Variants in RP1 observed in about 807,000 individuals in gnomAD.
RP1 encodes the protein RP1 axonemal microtubule associated.
Under a neutral mutation model 14.8 loss-of-function variants are expected in RP1, and 16 were observed. That is an observed-to-expected ratio of 1.08 (90% CI 0.73 to 1.65). The LOEUF (loss-of-function observed/expected upper bound fraction) is 1.65. Ranked by LOEUF, RP1 falls within the 40% of genes most tolerant of loss-of-function variation. RP1 has a pLI of 0.00. For synonymous variants in RP1, 876 were observed against 883.6 expected (o/e 0.99, Z 0.15); for missense variants, 2,631 against 2,535.0 (o/e 1.04, Z -0.81).
At chr8:54,597,685 A>G (rs1409675905) in intron 1 of RP1, among the ~76,000 whole-genome samples, 1 of 152,234 alleles carries the variant, frequency 6.6e-6, no homozygotes, top group African/African-American at 2.4e-5. Context: ...GATATATGCT[A>G]AAACATAGTT....
chr8:54,761,850 C>A (rs937904511), intron 22 of RP1, among the ~76,000 whole-genome samples: 9 of 152,190 alleles, frequency 5.9e-5, no homozygotes, highest in Non-Finnish European at 1.2e-4. Context: ...ACAGTTCCTA[C>A]TTCCTTAATT....
chr8:54,653,069 T>G (rs574694419), intron 5 of RP1, among the ~76,000 whole-genome samples: 1 of 152,314 alleles, frequency 6.6e-6, no homozygotes, highest in African/African-American at 2.4e-5. Context: ...AAGCAATTCT[T>G]TCACCTCTTT....
At chr8:54,730,415 A>C (rs1835474273) in intron 17 of RP1, among the ~76,000 whole-genome samples, 1 of 151,950 alleles carries the variant, frequency 6.6e-6, no homozygotes, top group Admixed American at 6.6e-5. Context: ...CTTTATGAAT[A>C]TTTCTCTTAA....
chr8:54,679,269 T>G (rs1292032818), intron 9 of RP1: 2 of 649,522 alleles, frequency 3.1e-6, no homozygotes, highest in Non-Finnish European at 5.2e-6. Flanking sequence ...AGGATTTTCT[T>G]TTCCATTCTG....
chr8:54,721,552 T>G (rs1220355353), intron 16 of RP1, among the ~76,000 whole-genome samples: 1 of 152,092 alleles, frequency 6.6e-6, no homozygotes, highest in African/African-American at 2.4e-5. Context: ...GAAAAGTAAT[T>G]TGTGGCAAGA....
chr8:54,706,445 GGTGTTCCT>G lies in RP1; in HGVS notation c.2002_2009del (p.Val668GlnfsTer20). 1 of 1,535,754 alleles carries G rather than the reference GGTGTTCCT, an allele frequency of 6.5e-7. No individual in the cohort carries two copies. Among genetic ancestry groups the G allele is most frequent in the South Asian group, 1.2e-5 (1 of 84,044 alleles). ...CTGTTCTGTTTGTTGCTCTGAAGGG[GGTGTTCCT>G]CAACAGTGCTGTGGTTCTGCTTGCT... On this transcript the variant is annotated frameshift_variant, in exon 15 of 23. Transcript: ENST00000636932. LOFTEE classifies it high-confidence loss of function.
At chr8:54,599,949 G>C (rs1463416879) in intron 1 of RP1, among the ~76,000 whole-genome samples, 1 of 152,162 alleles carries the variant, frequency 6.6e-6, no homozygotes, top group African/African-American at 2.4e-5. Flanking sequence ...ACCAGATGTG[G>C]ATGGAAGCTC....
chr8:54,752,877 G>A (rs1032625867), intron 19 of RP1, among the ~76,000 whole-genome samples: 1 of 152,162 alleles, frequency 6.6e-6, no homozygotes, highest in African/African-American at 2.4e-5. Flanking sequence ...ATAATCCAAA[G>A]AGAACATTTC....
intron 7 of RP1, among the ~76,000 whole-genome samples, chr8:54,670,942 C>T (rs1807166794): frequency 1.3e-5 from 2 of 151,606 alleles, no homozygotes; most frequent in South Asian, 4.2e-4. Context: ...GCTCAAACTT[C>T]ATATTTTCAT....
intron 27 of RP1, among the ~76,000 whole-genome samples, chr8:54,858,194 A>G (rs1412808311): frequency 6.6e-6 from 1 of 152,224 alleles, no homozygotes; most frequent in Non-Finnish European, 1.5e-5. Context: ...GACAGAAACC[A>G]AATGGAGCAG....
chr8:54,683,092 A>G (rs1807475180), intron 12 of RP1, among the ~76,000 whole-genome samples: 1 of 152,154 alleles, frequency 6.6e-6, no homozygotes, highest in Non-Finnish European at 1.5e-5. Context: ...CAGGTTAGTC[A>G]AAGATCAGAT....
At chr8:54,719,488 G>T (rs537702988) in intron 15 of RP1, among the ~76,000 whole-genome samples, 1 of 152,002 alleles carries the variant, frequency 6.6e-6, no homozygotes, top group African/African-American at 2.4e-5. Flanking sequence ...TCATTAGTTG[G>T]GACTGAAATC....
chr8:54,618,742 G>T (rs1805785492), intron 1 of RP1, among the ~76,000 whole-genome samples: 2 of 152,078 alleles, frequency 1.3e-5, no homozygotes, highest in Admixed American at 6.5e-5. Flanking sequence ...TGCAACATCT[G>T]CCTCCTGGGT....
At chr8:54,846,395 T>C (rs990057618) in intron 25 of RP1, among the ~76,000 whole-genome samples, 1 of 152,186 alleles carries the variant, frequency 6.6e-6, no homozygotes, top group Non-Finnish European at 1.5e-5. Context: ...TCTCCACAAC[T>C]GATTATAGTC....
chr8:54,838,664 T>G (rs1301585765), intron 25 of RP1, among the ~76,000 whole-genome samples: 1 of 152,188 alleles, frequency 6.6e-6, no homozygotes, highest in Non-Finnish European at 1.5e-5. Context: ...TGTATACGTG[T>G]GTGTGCATAT....
rs944948199 is a variant in RP1 at position 54,740,809 on chromosome 8, C to T, written c.2808+1780C>T. 9.2e-5 allele frequency among the ~76,000 whole-genome samples: 14 copies of T among 151,888 alleles called. No homozygotes were observed. In the East Asian group the frequency reaches 1.4e-3, roughly 15 times the overall value. On this transcript the variant is annotated intron_variant, in intron 19 of 22. Coordinates refer to the RP1 transcript ENST00000636932. ...CTGTCATCTCAGCACTTTGGGAGGC[C>T]GAAGTGGAATGGATCACCTGAGGTC...
intron 17 of RP1, among the ~76,000 whole-genome samples, chr8:54,732,311 C>A (rs775722351): frequency 6.6e-6 from 1 of 152,170 alleles, no homozygotes; most frequent in Non-Finnish European, 1.5e-5. Flanking sequence ...TACACCTGAA[C>A]TTTTCAGTAG....
At chr8:54,740,492 G>C (rs1195075826) in intron 19 of RP1, among the ~76,000 whole-genome samples, 1 of 151,154 alleles carries the variant, frequency 6.6e-6, no homozygotes, top group Non-Finnish European at 1.5e-5. Flanking sequence ...GGGAGGCCAA[G>C]GTGGGTGGAT....
intron 22 of RP1, among the ~76,000 whole-genome samples, chr8:54,765,778 A>T (rs1012194097): frequency 1.3e-5 from 2 of 152,166 alleles, no homozygotes; most frequent in African/African-American, 4.8e-5. Context: ...CCCAGACAGA[A>T]GTGTGTTCAT....
Sources: allele counts gnomAD v4.1 joint callset (sites outside exome capture counted in the v4.1 genomes callset), GRCh38; gene constraint gnomAD v4.1.1; transcripts MANE v1.5; gene names NCBI Gene and HGNC (gene_info 2026-07-23, HGNC 2026-07-21).